The following ENDOU variants were observed in gnomAD, a reference collection of about 807,000 sequenced individuals.
ENDOU encodes uridylate-specific endoribonuclease.
Under a neutral mutation model 54.2 loss-of-function variants are expected in ENDOU, and 49 were observed. The ratio of observed to expected loss-of-function variants is 0.90; its 90% confidence interval spans 0.72 to 1.15. The LOEUF is 1.15. Among genes scored for constraint, ENDOU ranks in the 50% most tolerant of loss-of-function variants. The probability of loss-of-function intolerance (pLI) is 0.00; values close to 1 mark genes in which losing one functional copy is unlikely to be tolerated. For missense variants in ENDOU, 458 were observed against 511.4 expected (o/e 0.90, Z 1.01); for synonymous variants, 172 against 190.5 (o/e 0.90, Z 0.80).
At chr12:47,713,184 G>C in intron 7 of ENDOU, 91 bp downstream of exon 7, 1 of 887,200 alleles carries the variant, frequency 1.1e-6, no homozygotes, top group Non-Finnish European at 1.9e-6. Flanking sequence ...CTGGACTGCT[G>C]ATTAATCCAC....
At chr12:47,713,150 C>A in intron 7 of ENDOU, 125 bp downstream of exon 7, 1 of 688,676 alleles carries the variant, frequency 1.5e-6, no homozygotes, top group Non-Finnish European at 2.6e-6. Flanking sequence ...GGGGAGAGTG[C>A]GTGGGTCCCT....
At chr12:47,711,871 G>C (rs905952349) in intron 8 of ENDOU, 96 bp from the exon 9 acceptor site, 11 of 1,328,868 alleles carry the variant, frequency 8.3e-6, no homozygotes, top group South Asian at 1.3e-5. Flanking sequence ...ATTTGTTGAG[G>C]GTCCATTAGG....
At position 47,716,992 on chromosome 12, in the gene ENDOU, C is replaced by T. The variant is rs201474260; in HGVS notation, c.449G>A (p.Arg150Lys). 1.6e-4 allele frequency: 256 copies of T among 1,614,054 alleles called. No homozygotes were observed. The highest frequency in any genetic ancestry group is 1.0e-3 in the Admixed American group (62 of 60,024). The part of the protein sequence containing the change: ...EIQSISEKIY[R>K]ADTNKAQKED... ...CTTCTGGGCTTTGTTGGTGTCTGCC[C>T]TGTAGATCTTCTCAGAGATGCTCTG... Residue 150 changes from arginine (R) to lysine (K), a missense_variant, in exon 5 of 10, where the codon AGG (arginine) becomes AAG (lysine). Physicochemically the swap from Arg to Lys is conservative, Grantham distance 26 (BLOSUM62 2). Coordinates refer to ENST00000422538, the MANE Select transcript of ENDOU (RefSeq NM_001172439.2).
chr12:47,717,065 G>A lies in ENDOU; in HGVS notation c.383-7C>T. On this transcript the variant is annotated splice_polypyrimidine_tract_variant and splice_region_variant and intron_variant, in intron 4 of 9. Coordinates refer to ENST00000422538, the MANE Select transcript of ENDOU (RefSeq NM_001172439.2). The stretch of plus-strand genomic sequence containing the variant: ...TCACTGCTGTGGGAGACCTCTGGGA[G>A]GAATTGGAAGAGGGGTGGCCTCAGA... 6.2e-7 allele frequency: 1 copy of A among 1,613,724 alleles called. No homozygotes were observed. Among genetic ancestry groups the A allele is most frequent in the Non-Finnish European group, 8.5e-7 (1 of 1,179,762 alleles).
intron 4 of ENDOU, 84 bp downstream of exon 4, chr12:47,717,434 C>G (rs1940287637): frequency 4.8e-6 from 7 of 1,456,866 alleles, no homozygotes; most frequent in Middle Eastern, 1.8e-4. Flanking sequence ...ATTGCTGAAG[C>G]TGCTGGTCCA....
chr12:47,715,946 G>A (rs1355159843), intron 6 of ENDOU, among the ~76,000 whole-genome samples: 2 of 152,114 alleles, frequency 1.3e-5, no homozygotes, highest in African/African-American at 4.8e-5. Flanking sequence ...CTCCAGGATC[G>A]CGGAGGTGGC....
At chr12:47,720,252 A>G (rs1302587395) in intron 2 of ENDOU, 2 of 152,594 alleles carry the variant, frequency 1.3e-5, no homozygotes, top group Non-Finnish European at 2.9e-5. Flanking sequence ...TCTAATTGGT[A>G]GGCTGGAAAT....
chr12:47,712,276 A>G (rs985333743), intron 8 of ENDOU, among the ~76,000 whole-genome samples: 24 of 151,996 alleles, frequency 1.6e-4, no homozygotes, highest in Admixed American at 1.2e-3. Context: ...CCAGGCTCCC[A>G]CCCCGATATG....
chr12:47,721,054 C>T (rs1386435740), intron 1 of ENDOU, among the ~76,000 whole-genome samples, 179 bp from the exon 2 acceptor site: 1 of 152,154 alleles, frequency 6.6e-6, no homozygotes, highest in Non-Finnish European at 1.5e-5. Flanking sequence ...TCCTCCCCAC[C>T]ACCCAACACC....
intron 4 of ENDOU, 140 bp downstream of exon 4, chr12:47,717,378 C>T: frequency 1.1e-6 from 1 of 952,020 alleles, no homozygotes; most frequent in Non-Finnish European, 1.6e-6. Flanking sequence ...ATTAAGTAGG[C>T]CCGGAGTGAA....
rs752972630 is a variant in ENDOU at position 47,712,615 on chromosome 12, T to TA, written c.872dup (p.Gly294ArgfsTer8). On this transcript the variant is annotated frameshift_variant, in exon 8 of 10. Transcript: ENST00000422538. LOFTEE classifies it high-confidence loss of function. ...GGAAGCCAGTAACCTTGCCTTTTTT[T>TA]ACCTCACCTATAATAAAGAGTCCAA... The TA allele has an allele frequency of 2.5e-6, 4 of 1,612,920 alleles. No homozygotes were observed. The highest frequency in any genetic ancestry group is 3.3e-5 in the Admixed American group (2 of 59,982).
At chr12:47,712,788 A>C (rs1940077502) in intron 7 of ENDOU, among the ~76,000 whole-genome samples, 166 bp from the exon 8 acceptor site, 1 of 149,354 alleles carries the variant, frequency 6.7e-6, no homozygotes, top group African/African-American at 2.5e-5. Flanking sequence ...CCTATCTCTC[A>C]CCTCAGGAAG....
intron 1 of ENDOU, among the ~76,000 whole-genome samples, chr12:47,721,560 T>C (rs1456842292): frequency 6.6e-6 from 1 of 152,232 alleles, no homozygotes; most frequent in African/African-American, 2.4e-5. Context: ...CATCTTTCTG[T>C]TCTTTCCCGT....
intron 8 of ENDOU, 38 bp from the exon 9 acceptor site, chr12:47,711,813 G>A (rs777217819): frequency 5.0e-6 from 8 of 1,612,052 alleles, no homozygotes; most frequent in South Asian, 2.2e-5. Context: ...TCTGGTGAGT[G>A]CCACAGAGTG....
rs1310210686 is a variant in ENDOU, at chr12:47,725,462, G to A, written c.-49C>T. On this transcript the variant is annotated 5_prime_UTR_variant, in exon 1 of 10. Coordinates refer to ENST00000422538, the MANE Select transcript of ENDOU (RefSeq NM_001172439.2). ...GGGAGTGGCTGTTGGACTTTCACTA[G>A]AGTCAGATGAATGTCACAGCTCTCA... The A allele has an allele frequency of 1.3e-6, 2 of 1,563,548 alleles. No individual in the cohort carries two copies. Among genetic ancestry groups the A allele is most frequent in the Non-Finnish European group, 1.8e-6 (2 of 1,134,966 alleles).
intron 6 of ENDOU, among the ~76,000 whole-genome samples, chr12:47,713,867 G>A (rs1033677275): frequency 6.6e-6 from 1 of 152,080 alleles, no homozygotes; most frequent in African/African-American, 2.4e-5. Flanking sequence ...TCCATGTAGA[G>A]GGAACTGCAA....
chr12:47,719,424 G>T (rs1940360608), intron 2 of ENDOU, among the ~76,000 whole-genome samples: 1 of 152,124 alleles, frequency 6.6e-6, no homozygotes, highest in Non-Finnish European at 1.5e-5. Flanking sequence ...TGCTTATATG[G>T]TGATATGGTT....
chr12:47,725,397 G>T lies in ENDOU; in HGVS notation c.17C>A (p.Ser6Tyr). 3 of 1,614,184 alleles carry T rather than the reference G, an allele frequency of 1.9e-6. No individual in the cohort carries two copies. The highest frequency in any genetic ancestry group is 2.5e-6 in the Non-Finnish European group (3 of 1,180,028). Residue 6 changes from serine to tyrosine, a missense_variant, in exon 1 of 10, where the codon TCC becomes TAC. Ser to Tyr is a moderately radical substitution (Grantham distance 144). Transcript: ENST00000422538. ...GCCACACAGCACGGCCAATACCAGG[G>T]AGATGCAGGCCCTCATGGTGCCCAG... MRACI[S>Y]LVLAVLCGLA...
chr12:47,721,551 A>G (rs912451514), intron 1 of ENDOU, among the ~76,000 whole-genome samples: 2 of 152,012 alleles, frequency 1.3e-5, no homozygotes, highest in Non-Finnish European at 2.9e-5. Flanking sequence ...CCTGTGTCAC[A>G]TCTTTCTGTT....
Sources: allele counts gnomAD v4.1 joint callset (sites outside exome capture counted in the v4.1 genomes callset), GRCh38; gene constraint gnomAD v4.1.1; transcripts MANE v1.5; gene names NCBI Gene and HGNC (gene_info 2026-07-23, HGNC 2026-07-21).